The following SMAD2 variants were observed in gnomAD, a reference collection of about 807,000 sequenced individuals.
SMAD2 encodes the protein SMAD family member 2, also known as MAD homolog 2.
SMAD2 carries 8 observed loss-of-function variants against 64.4 expected under a neutral mutation model. That is an observed-to-expected ratio of 0.12 (90% CI 0.07 to 0.22). The LOEUF (loss-of-function observed/expected upper bound fraction) is 0.22. Ranked by LOEUF, SMAD2 falls within the 10% of genes least tolerant of loss-of-function variation. SMAD2 has a pLI of 1.00. For synonymous variants in SMAD2, 203 were observed against 195.8 expected, an observed-to-expected ratio of 1.04 and a Z score of -0.31; for missense variants, 289 against 561.2, an observed-to-expected ratio of 0.51 and a Z score of 4.90.
intron 5 of SMAD2, among the ~76,000 whole-genome samples, chr18:47,867,598 A>C (rs1463423685): frequency 1.3e-5 from 2 of 151,814 alleles, no homozygotes; most frequent in Non-Finnish European, 2.9e-5. Flanking sequence ...CTAGGGAGAA[A>C]AATCAACCAA....
In SMAD2 at chr18:47,841,736, G is replaced by A. The variant is rs866244434; in HGVS notation, c.*91C>T. On this transcript the variant is annotated 3_prime_UTR_variant, in exon 11 of 11. Coordinates refer to ENST00000262160, the MANE Select transcript of SMAD2 (RefSeq NM_005901.6). ...GTGCTGTTTTCTCTCTTGAACTTTTGGATAGTAAACAGTCCATAGGGACCA... is the reference window on the plus strand; with the variant it reads ...GTGCTGTTTTCTCTCTTGAACTTTTAGATAGTAAACAGTCCATAGGGACCA... 294 of 1,470,004 alleles carry A rather than the reference G, an allele frequency of 2.0e-4. 1 individual carries two copies. The highest frequency in any genetic ancestry group is 1.9e-3 in the Middle Eastern group (11 of 5,772). 91.1% of individuals were successfully genotyped at this position (1,470,004 alleles called of 1,614,324 possible). A position where few individuals can be genotyped will look rare whatever the true frequency, so the allele number is the denominator to read the frequency against.
rs5824708 is a variant in SMAD2, at chr18:47,830,576, C to CAAAAAAAAAAAAAAAAAAA, written c.*11250_*11251insTTTTTTTTTTTTTTTTTTT. ...GGGCAACAGAGCAAGACTCTGTCTC[C>CAAAAAAAAAAAAAAAAAAA]AAAAAAAAAAAAAAAAAATTCGTTT... On this transcript the variant is annotated 3_prime_UTR_variant, in exon 11 of 11. Coordinates refer to ENST00000262160, the MANE Select transcript of SMAD2 (RefSeq NM_005901.6). 200 of 125,338 alleles carry CAAAAAAAAAAAAAAAAAAA rather than the reference C, an allele frequency of 1.6e-3. No individual in the cohort carries two copies. The highest frequency in any genetic ancestry group is 5.9e-3 in the African/African-American group (183 of 31,062). 7.8% of individuals were successfully genotyped at this position (125,338 alleles called of 1,614,324 possible). A position where few individuals can be genotyped will look rare whatever the true frequency, so the allele number is the denominator to read the frequency against.
Position 47,862,871 on chromosome 18 carries a change from A to G in SMAD2, c.730+2188T>C, listed in dbSNP as rs545954339. On this transcript the variant is annotated intron_variant, in intron 6 of 10. Coordinates refer to ENST00000262160, the MANE Select transcript of SMAD2 (RefSeq NM_005901.6). ...CATAAAAATCATGACTTGAAAAGGG[A>G]CTGATTATACAATACTACAAAGGTT... Among the ~76,000 whole-genome samples, 7 of 152,350 alleles carry G rather than the reference A, an allele frequency of 4.6e-5. No individual in the cohort carries two copies. The South Asian group carries it at 6.2e-4, about 14-fold the overall frequency.
intron 1 of SMAD2, among the ~76,000 whole-genome samples, chr18:47,902,311 A>G (rs1418982114): frequency 1.3e-5 from 2 of 152,164 alleles, no homozygotes; most frequent in Non-Finnish European, 1.5e-5. Context: ...AAATATATAA[A>G]TTTTGTAAAT....
intron 1 of SMAD2, among the ~76,000 whole-genome samples, chr18:47,922,813 A>C (rs2034614831): frequency 6.6e-6 from 1 of 152,244 alleles, no homozygotes; most frequent in Non-Finnish European, 1.5e-5. Flanking sequence ...TTCAATTCTC[A>C]CTACAACTAT....
At chr18:47,852,221 ATATTT>A (rs2030177894) in intron 6 of SMAD2, among the ~76,000 whole-genome samples, 1 of 152,194 alleles carries the variant, frequency 6.6e-6, no homozygotes, top group Non-Finnish European at 1.5e-5. Flanking sequence ...TGAGCTACAA[ATATTT>A]AATCATTGGT....
chr18:47,864,804 T>C lies in SMAD2; in HGVS notation c.730+255A>G, dbSNP rs557354594. Among the ~76,000 whole-genome samples, 21 of 152,286 alleles carry C rather than the reference T, an allele frequency of 1.4e-4. No homozygotes were observed. The South Asian group carries it at 1.4e-3, about 11-fold the overall frequency. ...AAATACTTAAAAAGAAATAAAAGTATGTGCATGTTTTCAAATTTTCATTTA... is the reference window on the plus strand; with the variant it reads ...AAATACTTAAAAAGAAATAAAAGTACGTGCATGTTTTCAAATTTTCATTTA... On this transcript the variant is annotated intron_variant, in intron 6 of 10. Coordinates refer to ENST00000262160, the MANE Select transcript of SMAD2 (RefSeq NM_005901.6).
At position 47,827,573 on chromosome 18, in the gene SMAD2, C is replaced by T. The variant is rs991544376; in HGVS notation, c.*14254G>A. 6.5e-5 allele frequency: 10 copies of T among 153,658 alleles called. No individual in the cohort carries two copies. The highest frequency in any genetic ancestry group is 2.4e-4 in the African/African-American group (10 of 41,484). The allele number at this position is 153,658 out of a possible 1,614,324, so 9.5% of individuals were successfully genotyped here. ...CTGCCGCCATCTCGGCTCACTGCAA[C>T]CTCCCTGCCTGATTCTCCTGCCTCA... On this transcript the variant is annotated 3_prime_UTR_variant, in exon 11 of 11. Coordinates refer to ENST00000262160, the MANE Select transcript of SMAD2 (RefSeq NM_005901.6).
intron 6 of SMAD2, among the ~76,000 whole-genome samples, chr18:47,856,197 G>A (rs902808370): frequency 2.6e-5 from 4 of 151,846 alleles, no homozygotes; most frequent in African/African-American, 4.8e-5. Flanking sequence ...ATTACAGGTT[G>A]GGGGGAAAAT....
chr18:47,905,255 C>G (rs2033856606), intron 1 of SMAD2, among the ~76,000 whole-genome samples: 1 of 152,088 alleles, frequency 6.6e-6, no homozygotes, highest in Non-Finnish European at 1.5e-5. Context: ...AAGAAAGATA[C>G]TCAAGATCTC....
intron 10 of SMAD2, among the ~76,000 whole-genome samples, chr18:47,843,835 A>T (rs1914210917): frequency 6.6e-6 from 1 of 152,216 alleles, no homozygotes; most frequent in African/African-American, 2.4e-5. Context: ...TGAATGAAGA[A>T]GGGCAGTATC....
chr18:47,873,037 C>CGTGT (rs1203439516), intron 2 of SMAD2, among the ~76,000 whole-genome samples: 4 of 152,070 alleles, frequency 2.6e-5, no homozygotes. Context: ...AATTTTAACA[C>CGTGT]TTTTTGTAGA....
At chr18:47,864,372 G>C (rs998114201) in intron 6 of SMAD2, among the ~76,000 whole-genome samples, 1 of 152,068 alleles carries the variant, frequency 6.6e-6, no homozygotes, top group African/African-American at 2.4e-5. Flanking sequence ...GAATGCATTA[G>C]TGTTAAGATG....
chr18:47,899,356 C>T (rs1385079873), intron 1 of SMAD2, among the ~76,000 whole-genome samples: 1 of 151,528 alleles, frequency 6.6e-6, no homozygotes, highest in Non-Finnish European at 1.5e-5. Context: ...TAATGAAACG[C>T]AATGCTGGTA....
At position 47,824,336 on chromosome 18, in the gene SMAD2, C is replaced by A. The variant is rs1191629865; in HGVS notation, c.*17491G>T. 1 of 152,194 alleles carries A rather than the reference C, an allele frequency of 6.6e-6. No homozygotes were observed. The highest frequency in any genetic ancestry group is 1.5e-5 in the Non-Finnish European group (1 of 68,032). The allele number at this position is 152,194 out of a possible 1,614,324, so 9.4% of individuals were successfully genotyped here. A position where few individuals can be genotyped will look rare whatever the true frequency, so the allele number is the denominator to read the frequency against. On this transcript the variant is annotated 3_prime_UTR_variant, in exon 11 of 11. Coordinates refer to ENST00000262160, the MANE Select transcript of SMAD2 (RefSeq NM_005901.6). ...CAGCTTGCACAAACACTATTCGCAA[C>A]CTTACACAGAAAATACTTTTGGGAC...
chr18:47,850,811 AATATATTATATATT>A (rs2029935563), intron 7 of SMAD2, among the ~76,000 whole-genome samples: 1 of 4,192 alleles, frequency 2.4e-4, no homozygotes, highest in Non-Finnish European at 8.3e-4. Flanking sequence ...TATTATGTAT[AATATATTATATATT>A]ATATATATTA....
rs1913017055 is a variant in SMAD2 at position 47,832,048 on chromosome 18, T to A, written c.*9779A>T. 6.6e-6 allele frequency: 1 copy of A among 152,168 alleles called. No homozygotes were observed. The highest frequency in any genetic ancestry group is 1.5e-5 in the Non-Finnish European group (1 of 68,034). 9.4% of individuals were successfully genotyped at this position (152,168 alleles called of 1,614,324 possible). A position where few individuals can be genotyped will look rare whatever the true frequency, so the allele number is the denominator to read the frequency against. On this transcript the variant is annotated 3_prime_UTR_variant, in exon 11 of 11. Coordinates refer to ENST00000262160, the MANE Select transcript of SMAD2 (RefSeq NM_005901.6). ...CTTAAAATAATTACATTGGATGACA[T>A]CAGTTTGATACTGATGCCTGCTTCC...
chr18:47,829,835 C>T lies in SMAD2; in HGVS notation c.*11992G>A, dbSNP rs574096221. The T allele has an allele frequency of 2.2e-4, 33 of 152,190 alleles. No homozygotes were observed. Among genetic ancestry groups the T allele is most frequent in the Non-Finnish European group, 4.3e-4 (29 of 68,004 alleles). 9.4% of individuals were successfully genotyped at this position (152,190 alleles called of 1,614,324 possible). A position where few individuals can be genotyped will look rare whatever the true frequency, so the allele number is the denominator to read the frequency against. ...ATGTTAAATTTAAGCATCTGAATTC[C>T]GAAATGATAAAGAACAGGAAAATAA... On this transcript the variant is annotated 3_prime_UTR_variant, in exon 11 of 11. Transcript: ENST00000262160.
At position 47,855,830 on chromosome 18, in the gene SMAD2, C is replaced by A. The variant is rs561940176; in HGVS notation, c.731-4503G>T. On this transcript the variant is annotated intron_variant, in intron 6 of 10. Coordinates refer to ENST00000262160, the MANE Select transcript of SMAD2 (RefSeq NM_005901.6). ...TAATTCTTTCAGCACTTTAAATACA[C>A]CACCCATCTCTCCTGGCCTGCAAAC... 1.6e-4 allele frequency among the ~76,000 whole-genome samples: 25 copies of A among 152,190 alleles called. 1 individual carries two copies. The East Asian group carries it at 4.1e-3, about 25-fold the overall frequency.
Sources: gnomAD v4.1 joint callset for allele counts (sites outside exome capture counted in the v4.1 genomes callset) on GRCh38, gnomAD v4.1.1 for gene constraint, MANE v1.5 for transcripts, NCBI Gene and HGNC (gene_info 2026-07-23, HGNC 2026-07-21) for gene names.